Variants in PPFIA2 observed in about 807,000 individuals in gnomAD.
PPFIA2 encodes PPFI scaffold protein A2, also known as liprin-alpha-2.
A neutral mutation model predicts 175.5 loss-of-function variants in PPFIA2; 46 were observed. That is an observed-to-expected ratio of 0.26 (90% CI 0.21 to 0.34). PPFIA2 has a LOEUF of 0.34. Ranked by LOEUF, PPFIA2 falls within the 10% of genes least tolerant of loss-of-function variation. The pLI is 1.00. For missense variants in PPFIA2, 1,179 were observed against 1,506.1 expected, an observed-to-expected ratio of 0.78 and a Z score of 3.60; for synonymous variants, 568 against 511.4, an observed-to-expected ratio of 1.11 and a Z score of -1.49.
chr12:81,354,112 T>C (rs1016664956), intron 16 of PPFIA2, among the ~76,000 whole-genome samples: 1 of 152,178 alleles, frequency 6.6e-6, no homozygotes, highest in Non-Finnish European at 1.5e-5. Flanking sequence ...CTTGCCTTGA[T>C]GCTGATGGCT....
intron 4 of PPFIA2, chr12:81,535,523 A>T: frequency 2.2e-6 from 1 of 453,050 alleles, no homozygotes; most frequent in Non-Finnish European, 4.4e-6. Context: ...TAAAATGAAG[A>T]ACATCTAACT....
At chr12:81,392,471 T>C (rs2040314026) in intron 8 of PPFIA2, among the ~76,000 whole-genome samples, 1 of 151,818 alleles carries the variant, frequency 6.6e-6, no homozygotes, top group African/African-American at 2.4e-5. Flanking sequence ...TAACATTGGA[T>C]GAGATCACCT....
chr12:81,491,084 T>C (rs2059368112), intron 4 of PPFIA2, among the ~76,000 whole-genome samples: 1 of 152,000 alleles, frequency 6.6e-6, no homozygotes, highest in East Asian at 1.9e-4. Context: ...TGTCATCTTC[T>C]GAGATAAGGC....
At chr12:81,337,344 A>G (rs2057297032) in intron 21 of PPFIA2, among the ~76,000 whole-genome samples, 2 of 152,286 alleles carry the variant, frequency 1.3e-5, no homozygotes, top group African/African-American at 4.8e-5. Context: ...CAGAGCTCAG[A>G]AACTTTCCCA....
chr12:81,606,834 A>G (rs2060370553), intron 4 of PPFIA2, among the ~76,000 whole-genome samples: 1 of 151,982 alleles, frequency 6.6e-6, no homozygotes, highest in Non-Finnish European at 1.5e-5. Flanking sequence ...CCATTTGTCC[A>G]TTTTTGCTTT....
chr12:81,728,784 T>G (rs1319567098), intron 3 of PPFIA2, among the ~76,000 whole-genome samples: 6 of 151,350 alleles, frequency 4.0e-5, no homozygotes, highest in Non-Finnish European at 8.9e-5. Flanking sequence ...GAAAAAGAAT[T>G]CTAAGGTGAC....
chr12:81,643,311 A>G (rs2065614056), intron 4 of PPFIA2, among the ~76,000 whole-genome samples: 2 of 151,630 alleles, frequency 1.3e-5, no homozygotes, highest in Non-Finnish European at 3.0e-5. Context: ...AACACCAAAG[A>G]CCCCTCAACC....
chr12:81,598,324 G>C, intron 4 of PPFIA2: 1 of 1,162,888 alleles, frequency 8.6e-7, no homozygotes, highest in South Asian at 2.3e-5. Context: ...ACGATAAATG[G>C]AGCTTGTGCA....
chr12:81,701,522 T>C (rs961275442), intron 3 of PPFIA2, among the ~76,000 whole-genome samples: 1 of 151,852 alleles, frequency 6.6e-6, no homozygotes, highest in Admixed American at 6.6e-5. Flanking sequence ...GTCAGGCTAC[T>C]TGGGCTCAAA....
chr12:81,334,716 A>G (rs1206493480), intron 21 of PPFIA2, among the ~76,000 whole-genome samples: 1 of 152,206 alleles, frequency 6.6e-6, no homozygotes. Flanking sequence ...TATAGATTCT[A>G]TAATTCTCAC....
intron 4 of PPFIA2, among the ~76,000 whole-genome samples, chr12:81,562,436 G>A (rs1245925616): frequency 6.6e-6 from 1 of 152,082 alleles, no homozygotes; most frequent in Non-Finnish European, 1.5e-5. Context: ...TCTACAGATA[G>A]TCACAGAGAA....
intron 3 of PPFIA2, among the ~76,000 whole-genome samples, chr12:81,700,375 T>TA (rs1022767316): frequency 3.9e-5 from 6 of 152,034 alleles, no homozygotes; most frequent in African/African-American, 1.4e-4. Flanking sequence ...GCTTTCAAAT[T>TA]AAAAAACAAA....
rs3075257 is a variant in PPFIA2, at chr12:81,372,513, G to GAA, written c.1266+2119_1266+2120dup. ...GAAATATCAGAAACAAATTGAAACA[G>GAA]AAAAAAAAAAAAAAAACAGATATAA... On this transcript the variant is annotated intron_variant, in intron 11 of 32. Coordinates refer to ENST00000549396, the MANE Select transcript of PPFIA2 (RefSeq NM_003625.5). 9.2e-4 allele frequency among the ~76,000 whole-genome samples: 86 copies of GAA among 93,670 alleles called. 1 individual carries two copies. Among genetic ancestry groups the GAA allele is most frequent in the African/African-American group, 2.3e-3 (70 of 30,128 alleles). 61.5% of individuals were successfully genotyped at this position (93,670 alleles called of 152,430 possible).
intron 3 of PPFIA2, among the ~76,000 whole-genome samples, chr12:81,703,148 C>A (rs1347111944): frequency 1.3e-5 from 2 of 152,060 alleles, no homozygotes; most frequent in Non-Finnish European, 2.9e-5. Context: ...AGTTTCATAA[C>A]CTTATTAAAG....
At chr12:81,454,120 G>A (rs1161595375) in intron 5 of PPFIA2, among the ~76,000 whole-genome samples, 3 of 152,122 alleles carry the variant, frequency 2.0e-5, no homozygotes, top group Non-Finnish European at 4.4e-5. Flanking sequence ...TTGGGAGGCT[G>A]AGGTGGGAAG....
intron 4 of PPFIA2, among the ~76,000 whole-genome samples, chr12:81,569,970 T>C (rs1361077513): frequency 6.6e-6 from 1 of 152,174 alleles, no homozygotes; most frequent in Non-Finnish European, 1.5e-5. Context: ...ACTGAGAGAA[T>C]GAGCCATACC....
At chr12:81,437,055 T>TGTAA (rs919098889) in intron 7 of PPFIA2, among the ~76,000 whole-genome samples, 42 of 152,186 alleles carry the variant, frequency 2.8e-4, no homozygotes, top group African/African-American at 9.4e-4. Flanking sequence ...ATTTTATCTA[T>TGTAA]GTAAAATCAA....
At chr12:81,669,210 T>C (rs181094658) in intron 4 of PPFIA2, among the ~76,000 whole-genome samples, 6 of 152,140 alleles carry the variant, frequency 3.9e-5, no homozygotes, top group Admixed American at 2.6e-4. Flanking sequence ...TTTTGTAAGT[T>C]TTTTTTCATT....
chr12:81,409,553 A>G (rs571535596), intron 7 of PPFIA2, among the ~76,000 whole-genome samples: 3 of 152,160 alleles, frequency 2.0e-5, no homozygotes, highest in Admixed American at 2.0e-4. Context: ...TCCCTCTACT[A>G]TGGGATAAGG....
Sources: gnomAD v4.1 joint callset for allele counts (sites outside exome capture counted in the v4.1 genomes callset) on GRCh38, gnomAD v4.1.1 for gene constraint, MANE v1.5 for transcripts, NCBI Gene and HGNC (gene_info 2026-07-23, HGNC 2026-07-21) for gene names.